The following PXYLP1 variants were observed in gnomAD, a reference collection of about 807,000 sequenced individuals.
PXYLP1 encodes the protein acid phosphatase-like 2.
PXYLP1 carries 17 observed loss-of-function variants against 37.9 expected under a neutral mutation model. The ratio of observed to expected loss-of-function variants is 0.45; its 90% confidence interval spans 0.31 to 0.67. The LOEUF is 0.67. Among genes scored for constraint, PXYLP1 ranks in the 30% least tolerant of loss-of-function variants. The pLI is 0.07. For synonymous variants in PXYLP1, 221 were observed against 232.2 expected, an observed-to-expected ratio of 0.95 and a Z score of 0.44; for missense variants, 511 against 612.0, an observed-to-expected ratio of 0.84 and a Z score of 1.74.
Position 141,292,132 on chromosome 3 carries a change from C to A in PXYLP1, c.506-136C>A. Reference sequence around the variant, plus strand: ...TGTTGTGAACTCGAGCTTGTAACTTCCACACCATGGGGAAACAGGCTGGAT... The same window carrying A: ...TGTTGTGAACTCGAGCTTGTAACTTACACACCATGGGGAAACAGGCTGGAT... On this transcript the variant is annotated intron_variant, in intron 5 of 5. Transcript: ENST00000286353. This position sits in a 1 kb window ranked among gnomAD's most constrained non-coding sequence, Gnocchi z 4.3. 1 of 824,096 alleles carries A rather than the reference C, an allele frequency of 1.2e-6. No homozygotes were observed. Among genetic ancestry groups the A allele is most frequent in the Non-Finnish European group, 1.9e-6 (1 of 527,032 alleles). 51.0% of individuals were successfully genotyped at this position (824,096 alleles called of 1,614,324 possible). A position where few individuals can be genotyped will look rare whatever the true frequency, so the allele number is the denominator to read the frequency against.
chr3:141,279,175 G>A (rs1941881238), intron 3 of PXYLP1, among the ~76,000 whole-genome samples: 1 of 152,126 alleles, frequency 6.6e-6, no homozygotes, highest in Admixed American at 6.6e-5. Context: ...CCTCTGTCCC[G>A]CCTTGTAAGA....
chr3:141,291,347 T>C (rs1437442273), intron 5 of PXYLP1, among the ~76,000 whole-genome samples: 2 of 152,190 alleles, frequency 1.3e-5, no homozygotes, highest in Non-Finnish European at 2.9e-5. Context: ...GATAAGGCTT[T>C]TTCCAATGTT....
chr3:141,256,523 TAC>T (rs906205779), intron 1 of PXYLP1, among the ~76,000 whole-genome samples: 26 of 151,774 alleles, frequency 1.7e-4, no homozygotes, highest in Middle Eastern at 3.4e-3. Flanking sequence ...CACGTATACA[TAC>T]ACACACACAC....
At chr3:141,248,881 G>A (rs1346394116) in intron 1 of PXYLP1, among the ~76,000 whole-genome samples, 1 of 128,326 alleles carries the variant, frequency 7.8e-6, no homozygotes, top group African/African-American at 2.9e-5. Context: ...ATATATATAT[G>A]GAGAGAGAGA....
intron 1 of PXYLP1, among the ~76,000 whole-genome samples, chr3:141,250,853 C>G (rs1055920132): frequency 3.3e-5 from 5 of 152,204 alleles, no homozygotes; most frequent in African/African-American, 1.2e-4. Context: ...GTGGATGAGT[C>G]TCTTTGCTTG....
rs1015481315 is a variant in PXYLP1 at position 141,233,485 on chromosome 3, A to C, written c.-54+1574A>C. 6.3e-4 allele frequency among the ~76,000 whole-genome samples: 80 copies of C among 127,318 alleles called. 1 individual carries two copies. The highest frequency in any genetic ancestry group is 2.2e-3 in the African/African-American group (72 of 32,326). The allele number at this position is 127,318 out of a possible 152,430, so 83.5% of individuals were successfully genotyped here. On this transcript the variant is annotated intron_variant, in intron 1 of 5. Coordinates refer to ENST00000286353, the MANE Select transcript of PXYLP1 (RefSeq NM_001037172.3). ...TGTCAAAAAAAAAAAAAAAAAAAAA[A>C]CCCTCGTGGTCCCTGGAGAGAGGTG...
At chr3:141,248,657 GTA>G (rs1394565205) in intron 1 of PXYLP1, among the ~76,000 whole-genome samples, 1 of 62,926 alleles carries the variant, frequency 1.6e-5, no homozygotes, top group African/African-American at 1.1e-4. Flanking sequence ...ATATACACAC[GTA>G]TATATACACA....
intron 4 of PXYLP1, among the ~76,000 whole-genome samples, chr3:141,286,800 A>G (rs1270223162): frequency 6.6e-6 from 1 of 152,234 alleles, no homozygotes; most frequent in Non-Finnish European, 1.5e-5. Flanking sequence ...CAAGAAGACC[A>G]ATAAAGAGCC....
At chr3:141,247,874 C>T (rs897852772) in intron 1 of PXYLP1, among the ~76,000 whole-genome samples, 1 of 152,114 alleles carries the variant, frequency 6.6e-6, no homozygotes, top group Non-Finnish European at 1.5e-5. Context: ...ATGGCCACCC[C>T]CATTGCTTTT....
chr3:141,249,457 A>G (rs1941091049), intron 1 of PXYLP1, among the ~76,000 whole-genome samples: 1 of 143,618 alleles, frequency 7.0e-6, no homozygotes, highest in South Asian at 2.2e-4. Context: ...TATGAGTCTC[A>G]GGACTTTGGA....
intron 1 of PXYLP1, among the ~76,000 whole-genome samples, chr3:141,256,554 A>G (rs1004531173): frequency 9.9e-5 from 15 of 152,104 alleles, no homozygotes; most frequent in Admixed American, 2.6e-4. Flanking sequence ...GCGTGTGCGC[A>G]CACACACACA....
At chr3:141,285,622 C>G (rs539659460) in intron 4 of PXYLP1, among the ~76,000 whole-genome samples, 2 of 152,320 alleles carry the variant, frequency 1.3e-5, no homozygotes, top group South Asian at 4.1e-4. Context: ...GCAAACACTT[C>G]CAGTCATGAA....
chr3:141,250,120 A>G (rs1221971382), intron 1 of PXYLP1, among the ~76,000 whole-genome samples: 1 of 152,246 alleles, frequency 6.6e-6, no homozygotes, highest in Non-Finnish European at 1.5e-5. Flanking sequence ...AATGCTGCAT[A>G]TTTTAAAAAC....
intron 1 of PXYLP1, among the ~76,000 whole-genome samples, chr3:141,238,844 C>A (rs1342220409): frequency 6.6e-6 from 1 of 151,998 alleles, no homozygotes; most frequent in African/African-American, 2.4e-5. Context: ...GAAGAGAAAA[C>A]ATTTCCTATT....
Position 141,292,862 on chromosome 3 carries a change from G to T in PXYLP1, c.1100G>T (p.Arg367Met). ...IGRMQRATEG[R>M]KEELFALYSA... ...CGGATGCAGCGTGCCACCGAGGGCA[G>T]GAAAGAAGAGCTCTTTGCCCTCTAC... Residue 367 changes from arginine (R) to methionine (M), a missense_variant, in exon 6 of 6, where the codon AGG (arginine) becomes ATG (methionine). Physicochemically the swap from Arg to Met is moderately conservative, Grantham distance 91. Transcript: ENST00000286353. The surrounding 1 kb of genome is among the most constrained non-coding windows in gnomAD (Gnocchi z 4.3). The T allele has an allele frequency of 6.2e-7, 1 of 1,614,186 alleles. No homozygotes were observed. The highest frequency in any genetic ancestry group is 8.5e-7 in the Non-Finnish European group (1 of 1,180,026).
chr3:141,241,506 G>A (rs1163705842), intron 1 of PXYLP1, among the ~76,000 whole-genome samples: 1 of 152,186 alleles, frequency 6.6e-6, no homozygotes, highest in Non-Finnish European at 1.5e-5. Context: ...TTGGGGTCAG[G>A]GAAGGCTTCC....
At chr3:141,274,923 A>G (rs1448748066) in intron 2 of PXYLP1, among the ~76,000 whole-genome samples, 2 of 152,182 alleles carry the variant, frequency 1.3e-5, no homozygotes, top group Non-Finnish European at 2.9e-5. Context: ...GGTGGAGCAT[A>G]GGCGAGAAAC....
intron 1 of PXYLP1, among the ~76,000 whole-genome samples, chr3:141,238,997 G>A (rs1940726086): frequency 6.6e-6 from 1 of 151,336 alleles, no homozygotes; most frequent in East Asian, 1.9e-4. Context: ...AAGTCGACCT[G>A]CTCAGTTCAA....
chr3:141,274,420 C>G, intron 2 of PXYLP1: 1 of 1,458,620 alleles, frequency 6.9e-7, no homozygotes, highest in African/African-American at 1.4e-5. Context: ...CTGTGTTTCA[C>G]GGCCTCCCCT....
Sources: gnomAD v4.1 joint callset for allele counts (sites outside exome capture counted in the v4.1 genomes callset) on GRCh38, gnomAD v4.1.1 for gene constraint, Gnocchi (gnomAD v3.1) non-coding constraint, MANE v1.5 for transcripts, NCBI Gene and HGNC (gene_info 2026-07-23, HGNC 2026-07-21) for gene names.